PPP3CB: variants seen among roughly 807,000 people sequenced by gnomAD.
The protein encoded by PPP3CB is serine/threonine-protein phosphatase 2B catalytic subunit beta isoform.
In PPP3CB, 8 loss-of-function variants were observed where a neutral mutation model predicts 66.4. The observed-to-expected ratio is 0.12, with a 90% CI of 0.07 to 0.22. The LOEUF (loss-of-function observed/expected upper bound fraction) is 0.22, where lower values mean the gene tolerates loss of function less well. Among genes scored for constraint, PPP3CB ranks in the 10% least tolerant of loss-of-function variants. The pLI is 1.00. For synonymous variants in PPP3CB, 208 were observed against 221.2 expected (o/e 0.94, Z 0.53); for missense variants, 319 against 642.5 (o/e 0.50, Z 5.44).
intron 12 of PPP3CB, among the ~76,000 whole-genome samples, chr10:73,441,059 G>A (rs972612326): frequency 5.3e-5 from 8 of 152,062 alleles, no homozygotes; most frequent in Non-Finnish European, 8.8e-5. Flanking sequence ...CTCCTATTTT[G>A]CTTCTTCTGC....
At chr10:73,490,902 G>C (rs750401506) in intron 1 of PPP3CB, among the ~76,000 whole-genome samples, 1 of 151,716 alleles carries the variant, frequency 6.6e-6, no homozygotes, top group African/African-American at 2.4e-5. Flanking sequence ...GCACAATCTC[G>C]GCTCACTGCA....
chr10:73,490,235 C>A (rs2057050170), intron 1 of PPP3CB, among the ~76,000 whole-genome samples: 1 of 152,210 alleles, frequency 6.6e-6, no homozygotes, highest in South Asian at 2.1e-4. Flanking sequence ...CCATTCCAGT[C>A]CAGAGTCATC....
intron 1 of PPP3CB, among the ~76,000 whole-genome samples, chr10:73,488,931 C>T (rs1326593086): frequency 2.0e-5 from 3 of 152,142 alleles, no homozygotes; most frequent in Admixed American, 6.5e-5. Context: ...TCTTCTTCCT[C>T]TTTGACTGAA....
chr10:73,471,625 A>G lies in PPP3CB; in HGVS notation c.524-12T>C. 1 of 1,562,240 alleles carries G rather than the reference A, an allele frequency of 6.4e-7. No homozygotes were observed. The highest frequency in any genetic ancestry group is 8.7e-7 in the Non-Finnish European group (1 of 1,152,622). On this transcript the variant is annotated splice_polypyrimidine_tract_variant and intron_variant, in intron 4 of 13. Transcript: ENST00000360663. ...ATACTTAATTTTACCTAGAAAAACA[A>G]AAAACTAATTGAAAATTACATTACT...
intron 4 of PPP3CB, among the ~76,000 whole-genome samples, chr10:73,471,835 T>C (rs764767165): frequency 6.6e-6 from 1 of 152,138 alleles, no homozygotes; most frequent in Non-Finnish European, 1.5e-5. Flanking sequence ...AGCAAAGTGG[T>C]GGCCAGGGCT....
At chr10:73,489,333 T>C (rs1008280582) in intron 1 of PPP3CB, among the ~76,000 whole-genome samples, 4 of 152,016 alleles carry the variant, frequency 2.6e-5, no homozygotes, top group Non-Finnish European at 5.9e-5. Context: ...CCTCCAATAA[T>C]TTGTTGCACA....
chr10:73,485,134 G>A (rs1315771536), intron 1 of PPP3CB, among the ~76,000 whole-genome samples: 1 of 152,142 alleles, frequency 6.6e-6, no homozygotes, highest in Non-Finnish European at 1.5e-5. Context: ...CATTCATTTT[G>A]ACCAAACTGT....
At chr10:73,474,853 C>T in intron 4 of PPP3CB, 66 bp downstream of exon 4, 1 of 1,577,956 alleles carries the variant, frequency 6.3e-7, no homozygotes, top group Non-Finnish European at 8.6e-7. Flanking sequence ...CTTCAAAACT[C>T]TTACTACCCA....
intron 1 of PPP3CB, among the ~76,000 whole-genome samples, chr10:73,486,293 TG>T (rs1158482894): frequency 7.1e-6 from 1 of 141,360 alleles, no homozygotes; most frequent in Non-Finnish European, 1.5e-5. Context: ...TTGGCCAGAC[TG>T]GTTTTTTTTT....
At chr10:73,490,688 T>C (rs1371252550) in intron 1 of PPP3CB, among the ~76,000 whole-genome samples, 3 of 152,202 alleles carry the variant, frequency 2.0e-5, no homozygotes, top group South Asian at 2.1e-4. Context: ...TATTTCCAAC[T>C]TGGCATTTTC....
chr10:73,439,603 G>C (rs948187268), intron 13 of PPP3CB, among the ~76,000 whole-genome samples: 5 of 151,978 alleles, frequency 3.3e-5, no homozygotes, highest in Admixed American at 2.0e-4. Flanking sequence ...AGCATAACAT[G>C]CTATACTCTA....
intron 9 of PPP3CB, among the ~76,000 whole-genome samples, chr10:73,458,423 C>T (rs1284091532): frequency 6.6e-6 from 1 of 152,000 alleles, no homozygotes; most frequent in African/African-American, 2.4e-5. Context: ...AGGTGTGAGC[C>T]ACCGCACCTG....
At chr10:73,495,474 G>C (rs1467495250) in intron 1 of PPP3CB, 1 of 177,892 alleles carries the variant, frequency 5.6e-6, no homozygotes, top group East Asian at 1.6e-4. Context: ...AGCTGTCGCG[G>C]GGCAGGAAGC....
At chr10:73,493,744 C>T (rs1472134843) in intron 1 of PPP3CB, among the ~76,000 whole-genome samples, 1 of 152,110 alleles carries the variant, frequency 6.6e-6, no homozygotes, top group Non-Finnish European at 1.5e-5. Flanking sequence ...ATATGATAAC[C>T]ATAAGCTTTA....
chr10:73,479,484 G>A lies in PPP3CB; in HGVS notation c.119C>T (p.Ser40Phe), dbSNP rs1415171094. The A allele has an allele frequency of 3.1e-6, 5 of 1,614,058 alleles. No homozygotes were observed. The South Asian group carries it at 3.3e-5, about 11-fold the overall frequency. ...CCCATCCAAATCAAATACTTCTTCA[G>A]ATGTCAAGCGATGTGTTGGGGGGAA... is the stretch of plus-strand genomic sequence containing the variant. The part of the protein sequence containing the change: ...VPFPPTHRLT[S>F]EEVFDLDGIP... Residue 40 changes from serine (S) to phenylalanine (F), a missense_variant, in exon 2 of 14, where the codon TCT (serine) becomes TTT (phenylalanine). Ser to Phe is a radical substitution (Grantham distance 155). Transcript: ENST00000360663.
chr10:73,472,311 A>G (rs1290525674), intron 4 of PPP3CB, among the ~76,000 whole-genome samples: 1 of 152,136 alleles, frequency 6.6e-6, no homozygotes, highest in Non-Finnish European at 1.5e-5. Context: ...TCTGGCCAAC[A>G]TGGCAGAACA....
chr10:73,489,795 A>G (rs928497060), intron 1 of PPP3CB, among the ~76,000 whole-genome samples: 5 of 152,126 alleles, frequency 3.3e-5, no homozygotes, highest in Non-Finnish European at 7.3e-5. Flanking sequence ...AGCACTTCAC[A>G]TACTTTTGCC....
chr10:73,444,972 C>T (rs2056223330), intron 11 of PPP3CB, 150 bp from the exon 12 acceptor site: 1 of 839,198 alleles, frequency 1.2e-6, no homozygotes, highest in African/African-American at 1.7e-5. Flanking sequence ...ATTAATTTTT[C>T]TATATTTTAA....
At position 73,444,835 on chromosome 10, in the gene PPP3CB, G is replaced by C; in HGVS notation, c.1269-13C>G. ...TTCACTCTCCTCCCTATAGCAGAGAGATATAACAAATATCAGATACTTCCA... is the reference window on the plus strand; with the variant it reads ...TTCACTCTCCTCCCTATAGCAGAGACATATAACAAATATCAGATACTTCCA... On this transcript the variant is annotated splice_polypyrimidine_tract_variant and intron_variant, in intron 11 of 13. Coordinates refer to ENST00000360663, the MANE Select transcript of PPP3CB (RefSeq NM_021132.4). 1.2e-6 allele frequency: 2 copies of C among 1,611,402 alleles called. No homozygotes were observed. Among genetic ancestry groups the C allele is most frequent in the Non-Finnish European group, 1.7e-6 (2 of 1,179,084 alleles).
Sources: gnomAD v4.1 joint callset for allele counts (sites outside exome capture counted in the v4.1 genomes callset) on GRCh38, gnomAD v4.1.1 for gene constraint, MANE v1.5 for transcripts, NCBI Gene and HGNC (gene_info 2026-07-23, HGNC 2026-07-21) for gene names.